The following C10orf67 variants were observed in gnomAD, a reference collection of about 807,000 sequenced individuals.
The protein encoded by C10orf67 is chromosome 10 open reading frame 67.
Under a neutral mutation model 35.6 loss-of-function variants are expected in C10orf67, and 60 were observed. That is an observed-to-expected ratio of 1.68 (90% CI 1.37 to 2.09). The LOEUF (loss-of-function observed/expected upper bound fraction) is 2.09, where lower values mean the gene tolerates loss of function less well. Ranked by LOEUF, C10orf67 falls within the 30% of genes most tolerant of loss-of-function variation. C10orf67 has a pLI of 0.00. For synonymous variants in C10orf67, 167 were observed against 115.8 expected (o/e 1.44, Z -2.84); for missense variants, 474 against 330.2 (o/e 1.44, Z -3.38).
chr10:23,302,680 G>T (rs79288361), intron 5 of C10orf67, among the ~76,000 whole-genome samples: 1 of 152,276 alleles, frequency 6.6e-6, no homozygotes, highest in African/African-American at 2.4e-5. Context: ...CAATGAATTC[G>T]TTCTCAGGAT....
chr10:23,223,840 T>C (rs1044006317), intron 13 of C10orf67, 22 bp from the exon 14 acceptor site: 17 of 714,108 alleles, frequency 2.4e-5, no homozygotes, highest in Non-Finnish European at 3.9e-5. Flanking sequence ...AAAAGATATG[T>C]ACTGTGTTAT....
intron 12 of C10orf67, among the ~76,000 whole-genome samples, chr10:23,244,138 G>A (rs1842255289): frequency 2.0e-5 from 3 of 152,084 alleles, no homozygotes; most frequent in Admixed American, 2.0e-4. Context: ...CAATCCTTCT[G>A]CCTTGGTCTC....
intron 6 of C10orf67, among the ~76,000 whole-genome samples, chr10:23,290,403 A>G (rs1339324836): frequency 1.3e-5 from 2 of 152,246 alleles, no homozygotes; most frequent in Admixed American, 6.5e-5. Flanking sequence ...ATCTCATTTT[A>G]CTGATATTTT....
At chr10:23,268,457 A>G (rs933071524) in intron 8 of C10orf67, among the ~76,000 whole-genome samples, 1 of 152,236 alleles carries the variant, frequency 6.6e-6, no homozygotes, top group Admixed American at 6.5e-5. Context: ...TTTAAAAATG[A>G]TGAGAAACAC....
At chr10:23,319,084 T>C (rs1158096558) in intron 4 of C10orf67, among the ~76,000 whole-genome samples, 2 of 152,318 alleles carry the variant, frequency 1.3e-5, no homozygotes, top group Admixed American at 6.5e-5. Context: ...GGGTTTGGTG[T>C]ACAGATTATT....
chr10:23,215,499 G>A (rs1413061093), intron 15 of C10orf67, among the ~76,000 whole-genome samples: 1 of 151,896 alleles, frequency 6.6e-6, no homozygotes, highest in Non-Finnish European at 1.5e-5. Flanking sequence ...TCACCATGTT[G>A]GTCAGGCTGG....
At position 23,268,695 on chromosome 10, in the gene C10orf67, A is replaced by G. The variant is rs189245053; in HGVS notation, c.976-1441T>C. On this transcript the variant is annotated intron_variant, in intron 8 of 15. Coordinates refer to ENST00000636213, the MANE Select transcript of C10orf67 (RefSeq NM_001371909.1). ...ATGAATGGCTTAACAATGGGGATAC[A>G]TTCTGAGAAATGTGTCATTAGGCAA... Among the ~76,000 whole-genome samples, 43 of 152,358 alleles carry G rather than the reference A, an allele frequency of 2.8e-4. 1 individual carries two copies. The East Asian group carries it at 5.2e-3, about 18-fold the overall frequency.
intron 15 of C10orf67, among the ~76,000 whole-genome samples, chr10:23,205,423 G>A (rs780557594): frequency 2.0e-5 from 3 of 152,152 alleles, no homozygotes; most frequent in African/African-American, 4.8e-5. Flanking sequence ...GATAAGCTTC[G>A]TGTATTCTTT....
At chr10:23,291,520 C>G (rs1843718908) in intron 5 of C10orf67, among the ~76,000 whole-genome samples, 1 of 152,218 alleles carries the variant, frequency 6.6e-6, no homozygotes, top group Non-Finnish European at 1.5e-5. Flanking sequence ...GCATATCATA[C>G]TGTTTGTGTG....
rs190409832 is a variant in C10orf67, at chr10:23,251,557, C to T, written c.1201-866G>A. On this transcript the variant is annotated intron_variant, in intron 10 of 15. Coordinates refer to ENST00000636213, the MANE Select transcript of C10orf67 (RefSeq NM_001371909.1). ...GCATATCATGAATGAGAGAGACTTCCGTGGATGTGGCAGAGATGTGCTACA... is the reference window on the plus strand; with the variant it reads ...GCATATCATGAATGAGAGAGACTTCTGTGGATGTGGCAGAGATGTGCTACA... 1.1e-4 allele frequency among the ~76,000 whole-genome samples: 17 copies of T among 152,228 alleles called. No homozygotes were observed. The East Asian group carries it at 2.1e-3, about 19-fold the overall frequency.
chr10:23,211,005 A>G (rs566641903), intron 15 of C10orf67, among the ~76,000 whole-genome samples: 1 of 152,314 alleles, frequency 6.6e-6, no homozygotes, highest in African/African-American at 2.4e-5. Flanking sequence ...ATGCCAATGA[A>G]GTTATTAAAT....
intron 1 of C10orf67, 191 bp downstream of exon 1, chr10:23,344,378 C>A: frequency 1.6e-6 from 1 of 621,072 alleles, no homozygotes; most frequent in Non-Finnish European, 2.8e-6. Context: ...GCGGGGCGGG[C>A]TCCCAAGCCA....
rs762953766 is a variant in C10orf67, at chr10:23,240,598, C to T, written c.1347-782G>A. Among the ~76,000 whole-genome samples the T allele has an allele frequency of 5.9e-5, 9 of 152,086 alleles. No individual in the cohort carries two copies. The South Asian group carries it at 6.2e-4, about 11-fold the overall frequency. ...CAGCCTATCTTGATTGCAAGCGATG[C>T]GAAAATTAGGAGATTTGCTGTCAGG... On this transcript the variant is annotated intron_variant, in intron 12 of 15. Transcript: ENST00000636213.
chr10:23,231,097 G>A (rs1368131527), intron 13 of C10orf67, among the ~76,000 whole-genome samples: 7 of 152,026 alleles, frequency 4.6e-5, no homozygotes, highest in Admixed American at 3.9e-4. Context: ...TCAGGCACGT[G>A]CCACCATGCC....
chr10:23,306,322 G>C (rs200645332), intron 4 of C10orf67, among the ~76,000 whole-genome samples: 1 of 151,976 alleles, frequency 6.6e-6, no homozygotes, highest in South Asian at 2.1e-4. Flanking sequence ...TCAGGAGTTC[G>C]AGACTAGCCT....
At chr10:23,255,143 C>T (rs1181015372) in intron 10 of C10orf67, among the ~76,000 whole-genome samples, 1 of 152,140 alleles carries the variant, frequency 6.6e-6, no homozygotes, top group Non-Finnish European at 1.5e-5. Context: ...AAGGACCAAC[C>T]TCATGCACCT....
intron 7 of C10orf67, among the ~76,000 whole-genome samples, chr10:23,289,247 C>A (rs1359392477): frequency 6.6e-6 from 1 of 152,032 alleles, no homozygotes; most frequent in Non-Finnish European, 1.5e-5. Flanking sequence ...CACTGCAGCC[C>A]CGAACTTCTG....
chr10:23,234,116 G>A (rs538555004), intron 13 of C10orf67, among the ~76,000 whole-genome samples: 2 of 152,240 alleles, frequency 1.3e-5, no homozygotes, highest in African/African-American at 4.8e-5. Context: ...ATAGTGTGGC[G>A]ATTCCTGCAA....
Position 23,223,871 on chromosome 10 carries a change from A to G in C10orf67, c.1435-53T>C, listed in dbSNP as rs1841659112. On this transcript the variant is annotated intron_variant, in intron 13 of 15. Transcript: ENST00000636213. ...GTTATCAGGAGGAAATAATAGTCAAATCAAATGGACGTTAATGTTCTCCAG... is the reference window on the plus strand; with the variant it reads ...GTTATCAGGAGGAAATAATAGTCAAGTCAAATGGACGTTAATGTTCTCCAG... 4.9e-5 allele frequency: 35 copies of G among 708,508 alleles called. 2 individuals are homozygous for G. The South Asian group carries it at 5.3e-4, about 11-fold the overall frequency. The allele number at this position is 708,508 out of a possible 1,614,324, so 43.9% of individuals were successfully genotyped here.
Sources: gnomAD v4.1 joint callset for allele counts (sites outside exome capture counted in the v4.1 genomes callset) on GRCh38, gnomAD v4.1.1 for gene constraint, MANE v1.5 for transcripts, NCBI Gene and HGNC (gene_info 2026-07-23, HGNC 2026-07-21) for gene names.